CCNY: variants seen among roughly 807,000 people sequenced by gnomAD.
The protein encoded by CCNY is cyclin Y, also known as cyclin-Y.
Under a neutral mutation model 42.8 loss-of-function variants are expected in CCNY, and 19 were observed. That is an observed-to-expected ratio of 0.44 (90% CI 0.31 to 0.65). The LOEUF is 0.65. CCNY is among the 30% of genes least tolerant of loss of function. CCNY has a pLI of 0.07. For missense variants in CCNY, 370 were observed against 437.3 expected, an observed-to-expected ratio of 0.85 and a Z score of 1.37; for synonymous variants, 165 against 162.7, an observed-to-expected ratio of 1.01 and a Z score of -0.11.
chr10:35,485,433 AG>A lies in CCNY; in HGVS notation c.229+1957del, dbSNP rs1366898831. On this transcript the variant is annotated intron_variant, in intron 2 of 9. Transcript: ENST00000374704. ...ATTAGAAAAAATCAATTTTAAAAAT[AG>A]GTAGATTTGGGCTGGGCGCGGTGGC... Among the ~76,000 whole-genome samples, 4 of 152,272 alleles carry A rather than the reference AG, an allele frequency of 2.6e-5. No homozygotes were observed. The East Asian group carries it at 7.7e-4, about 29-fold the overall frequency.
intron 3 of CCNY, among the ~76,000 whole-genome samples, chr10:35,285,025 A>AT (rs896079911): frequency 4.0e-5 from 6 of 151,640 alleles, no homozygotes; most frequent in Non-Finnish European, 8.8e-5. Context: ...TTATTTATTT[A>AT]TTTTTTTCCA....
chr10:35,530,145 T>G lies in CCNY; in HGVS notation c.481T>G (p.Tyr161Asp), dbSNP rs745951544. The G allele has an allele frequency of 1.4e-5, 22 of 1,614,196 alleles. No homozygotes were observed. The highest frequency in any genetic ancestry group is 1.7e-5 in the Non-Finnish European group (20 of 1,180,026). Residue 161 changes from tyrosine to aspartate, a missense_variant, in exon 7 of 10, where the codon TAT becomes GAT. Physicochemically the swap from Tyr to Asp is radical, Grantham distance 160 (BLOSUM62 -3). Around this residue, in one of 2 missense-constraint regions of CCNY, gnomAD observed 234 missense variants for 313.1 expected, o/e 0.75. Coordinates refer to ENST00000374704, the MANE Select transcript of CCNY (RefSeq NM_145012.6). This position sits in a 1 kb window ranked among gnomAD's most constrained non-coding sequence, Gnocchi z 4.3. ...PLSKSEVPPD[Y>D]DKHNPEQKQI... ...CCAGAAATCCGAAGTGCCACCAGAT[T>G]ATGACAAACACAACCCAGAGCAGAA...
At chr10:35,363,279 A>G (rs139269756) in intron 1 of CCNY, among the ~76,000 whole-genome samples, 372 of 145,182 alleles carry the variant, frequency 2.6e-3, no homozygotes, top group Middle Eastern at 0.013. Flanking sequence ...GTAGCTGGGT[A>G]GAGGCACTCC....
At position 35,472,225 on chromosome 10, in the gene CCNY, A is replaced by G. The variant is rs182005934; in HGVS notation, c.155-11179A>G. On this transcript the variant is annotated intron_variant, in intron 1 of 9. Coordinates refer to ENST00000374704, the MANE Select transcript of CCNY (RefSeq NM_145012.6). ...GCTAGGTGTTATTAGCCCACTTTGT[A>G]GATAAGGAAAATGAGATCAGAATAG... 9.6e-4 allele frequency among the ~76,000 whole-genome samples: 147 copies of G among 152,360 alleles called. 1 individual carries two copies. The highest frequency in any genetic ancestry group is 4.3e-3 in the South Asian group (21 of 4,830).
At chr10:35,432,336 C>T (rs1447409120) in intron 1 of CCNY, among the ~76,000 whole-genome samples, 1 of 152,154 alleles carries the variant, frequency 6.6e-6, no homozygotes, top group Non-Finnish European at 1.5e-5. Context: ...TGAGATTATA[C>T]CAAAGAACCT....
In CCNY at chr10:35,354,231, G is replaced by T. The variant is rs564841326; in HGVS notation, c.154+17024G>T. ...GATGACATCTCACTCTGTCGCTCAG[G>T]CTGGAGTGTATTGGCGGGATCTCAG... is the stretch of plus-strand genomic sequence containing the variant. On this transcript the variant is annotated intron_variant, in intron 1 of 9. Coordinates refer to ENST00000374704, the MANE Select transcript of CCNY (RefSeq NM_145012.6). 4.6e-5 allele frequency among the ~76,000 whole-genome samples: 7 copies of T among 150,842 alleles called. No individual in the cohort carries two copies. In the South Asian group the frequency reaches 1.5e-3, roughly 32 times the overall value.
intron 3 of CCNY, among the ~76,000 whole-genome samples, chr10:35,507,978 A>G (rs1431970676): frequency 6.6e-6 from 1 of 152,150 alleles, no homozygotes; most frequent in Non-Finnish European, 1.5e-5. Flanking sequence ...TTACCGGGCA[A>G]GGTGCTGCCT....
At position 35,570,468 on chromosome 10, in the gene CCNY, A is replaced by T. The variant is rs1007687664; in HGVS notation, c.*1298A>T. ...TCCCTGATTTCCTTATGGACTCAATAAGAATCTTTTATATCAAGTAAAATG... is the reference window on the plus strand; with the variant it reads ...TCCCTGATTTCCTTATGGACTCAATTAGAATCTTTTATATCAAGTAAAATG... On this transcript the variant is annotated 3_prime_UTR_variant, in exon 10 of 10. Coordinates refer to ENST00000374704, the MANE Select transcript of CCNY (RefSeq NM_145012.6). 9.2e-5 allele frequency: 14 copies of T among 152,324 alleles called. No homozygotes were observed. The highest frequency in any genetic ancestry group is 4.4e-5 in the Non-Finnish European group (3 of 68,036). 9.4% of individuals were successfully genotyped at this position (152,324 alleles called of 1,614,324 possible).
rs187188354 is a variant in CCNY at position 35,484,398 on chromosome 10, T to C, written c.229+920T>C. 1.5e-3 allele frequency among the ~76,000 whole-genome samples: 235 copies of C among 152,342 alleles called. 1 individual carries two copies. The highest frequency in any genetic ancestry group is 4.2e-3 in the African/African-American group (173 of 41,572). On this transcript the variant is annotated intron_variant, in intron 2 of 9. Transcript: ENST00000374704. ...AAGGTATAGTGCTGATTTAATGTTA[T>C]TGGGAATCTTTAGTTAGGCAAGCCA...
At chr10:35,558,755 C>T (rs1383181548) in intron 8 of CCNY, among the ~76,000 whole-genome samples, 4 of 152,116 alleles carry the variant, frequency 2.6e-5, no homozygotes, top group South Asian at 2.1e-4. Context: ...AGAGAGGTCT[C>T]GGAAGAAACC....
chr10:35,264,190 T>C (rs1386397735), intron 3 of CCNY, among the ~76,000 whole-genome samples: 3 of 152,232 alleles, frequency 2.0e-5, no homozygotes, highest in Admixed American at 6.5e-5. Flanking sequence ...CCTTTGGGTA[T>C]ATACCCAGTG....
At chr10:35,311,277 C>A (rs1215322466) in intron 3 of CCNY, among the ~76,000 whole-genome samples, 1 of 151,636 alleles carries the variant, frequency 6.6e-6, no homozygotes, top group Admixed American at 6.6e-5. Flanking sequence ...ATGATTGTAC[C>A]ACTGCACTCC....
chr10:35,434,088 T>A (rs976891601), intron 1 of CCNY: 1 of 152,174 alleles, frequency 6.6e-6, no homozygotes, highest in Non-Finnish European at 1.5e-5. Flanking sequence ...TGGAAAATAA[T>A]CTTCTATTAA....
At chr10:35,444,658 A>G (rs1564413603) in intron 1 of CCNY, among the ~76,000 whole-genome samples, 4 of 152,250 alleles carry the variant, frequency 2.6e-5, no homozygotes, top group African/African-American at 9.6e-5. Flanking sequence ...GCAGTTTTTC[A>G]GCTCCATCAT....
intron 3 of CCNY, 149 bp from the exon 4 acceptor site, chr10:35,516,374 T>A: frequency 1.5e-6 from 1 of 648,364 alleles, no homozygotes; most frequent in East Asian, 2.8e-5. Flanking sequence ...AATAAAGTGT[T>A]TTTGTACTGT....
At chr10:35,441,709 T>C (rs1409048311) in intron 1 of CCNY, among the ~76,000 whole-genome samples, 1 of 152,198 alleles carries the variant, frequency 6.6e-6, no homozygotes, top group Non-Finnish European at 1.5e-5. Context: ...ATTGTGCCAC[T>C]GCACTCCAGC....
chr10:35,533,497 C>T (rs559904883), intron 7 of CCNY, among the ~76,000 whole-genome samples: 130 of 152,274 alleles, frequency 8.5e-4, no homozygotes, highest in Admixed American at 1.7e-3. Flanking sequence ...ACACCTGCCT[C>T]GGGACTTCTG....
intron 3 of CCNY, among the ~76,000 whole-genome samples, chr10:35,307,772 G>T (rs967797885): frequency 2.7e-5 from 2 of 73,092 alleles, no homozygotes; most frequent in African/African-American, 1.5e-4. Context: ...GTGTGTGTGT[G>T]TGTGTGTGTG....
At position 35,548,292 on chromosome 10, in the gene CCNY, G is replaced by GTATATATA. The variant is rs113069550; in HGVS notation, c.580-4715_580-4708dup. Among the ~76,000 whole-genome samples, 137 of 143,816 alleles carry GTATATATA rather than the reference G, an allele frequency of 9.5e-4. 1 individual carries two copies. The highest frequency in any genetic ancestry group is 3.5e-3 in the African/African-American group (137 of 39,376). The allele number at this position is 143,816 out of a possible 152,430, so 94.3% of individuals were successfully genotyped here. On this transcript the variant is annotated intron_variant, in intron 7 of 9. Coordinates refer to ENST00000374704, the MANE Select transcript of CCNY (RefSeq NM_145012.6). ...CATAAATATAAATATATATATTTATGTATATATATATATATATATTTTATG... is the reference window on the plus strand; with the variant it reads ...CATAAATATAAATATATATATTTATGTATATATATATATATATATATATATATTTTATG...
Sources: allele counts gnomAD v4.1 joint callset (sites outside exome capture counted in the v4.1 genomes callset), GRCh38; gene constraint gnomAD v4.1.1; regional missense constraint gnomAD v4.1.1; non-coding constraint Gnocchi (gnomAD v3.1); transcripts MANE v1.5; gene names NCBI Gene and HGNC (gene_info 2026-07-23, HGNC 2026-07-21).